The following GNG4 variants were observed in gnomAD, a reference collection of about 807,000 sequenced individuals.
The protein encoded by GNG4 is G protein subunit gamma 4.
In GNG4, 4 loss-of-function variants were observed where a neutral mutation model predicts 5.8. That is an observed-to-expected ratio of 0.69 (90% confidence interval 0.34 to 1.57). GNG4 has a LOEUF of 1.57. Ranked by LOEUF, GNG4 falls within the 40% of genes most tolerant of loss-of-function variation. The pLI, the probability that GNG4 is intolerant of heterozygous loss-of-function variation, is 0.06. For synonymous variants in GNG4, 29 were observed against 32.9 expected, an observed-to-expected ratio of 0.88 and a Z score of 0.41; for missense variants, 96 against 95.1, an observed-to-expected ratio of 1.01 and a Z score of -0.04.
intron 2 of GNG4, among the ~76,000 whole-genome samples, chr1:235,593,098 A>C (rs935550514): frequency 2.6e-5 from 4 of 152,054 alleles, no homozygotes; most frequent in Admixed American, 1.3e-4. Flanking sequence ...ACAGGTGCGT[A>C]CCACTATGCC....
chr1:235,549,668 T>C lies in GNG4; in HGVS notation c.*2441A>G, dbSNP rs1015748780. The C allele has an allele frequency of 2.6e-5, 4 of 152,206 alleles. No homozygotes were observed. The highest frequency in any genetic ancestry group is 5.9e-5 in the Non-Finnish European group (4 of 68,046). 9.4% of individuals were successfully genotyped at this position (152,206 alleles called of 1,614,324 possible). ...AGCATCTTAACAACACTGGTATTAT[T>C]AGTGAGCTGATAATGAAACTAAGAA... On this transcript the variant is annotated 3_prime_UTR_variant, in exon 4 of 4. Coordinates refer to ENST00000391854, the MANE Select transcript of GNG4 (RefSeq NM_001098722.2).
At chr1:235,581,303 G>A (rs1687628906) in intron 3 of GNG4, among the ~76,000 whole-genome samples, 1 of 152,066 alleles carries the variant, frequency 6.6e-6, no homozygotes, top group African/African-American at 2.4e-5. Flanking sequence ...GCCGAGGCAG[G>A]CGGATCACGA....
chr1:235,593,932 C>A (rs1395791345), intron 2 of GNG4, among the ~76,000 whole-genome samples: 1 of 152,228 alleles, frequency 6.6e-6, no homozygotes, highest in Non-Finnish European at 1.5e-5. Context: ...GGGACCCAAG[C>A]AGATTACCCC....
In GNG4 at chr1:235,550,096, G is replaced by A. The variant is rs1236630090; in HGVS notation, c.*2013C>T. 2.0e-5 allele frequency: 3 copies of A among 152,188 alleles called. No individual in the cohort carries two copies. The allele number at this position is 152,188 out of a possible 1,614,324, so 9.4% of individuals were successfully genotyped here. On this transcript the variant is annotated 3_prime_UTR_variant, in exon 4 of 4. Coordinates refer to ENST00000391854, the MANE Select transcript of GNG4 (RefSeq NM_001098722.2). The stretch of plus-strand genomic sequence containing the variant: ...AGAACAAACTTACACAAAGAGCTCT[G>A]CTCCCACTGTGTATTCTCCTCTTTC...
intron 2 of GNG4, among the ~76,000 whole-genome samples, chr1:235,586,054 A>C (rs1322291780): frequency 6.6e-6 from 1 of 152,234 alleles, no homozygotes; most frequent in Non-Finnish European, 1.5e-5. Flanking sequence ...TCTCTGGCCC[A>C]GAAAGGCATA....
chr1:235,629,360 A>G (rs1688888393), intron 1 of GNG4, among the ~76,000 whole-genome samples: 1 of 152,042 alleles, frequency 6.6e-6, no homozygotes, highest in African/African-American at 2.4e-5. Context: ...AGAAGCAAAA[A>G]AATTGGTCCC....
In GNG4 at chr1:235,634,809, G is replaced by T. The variant is rs189688012; in HGVS notation, c.-123+14853C>A. Among the ~76,000 whole-genome samples the T allele has an allele frequency of 3.6e-4, 55 of 152,170 alleles. 1 individual carries two copies. Among genetic ancestry groups the T allele is most frequent in the Admixed American group, 3.3e-3 (51 of 15,280 alleles). ...AAATACAAAATTAGCCAGGCGTGGT[G>T]GTGCATGCCTCCTACTCGGGAGGCT... is the stretch of plus-strand genomic sequence containing the variant. On this transcript the variant is annotated intron_variant, in intron 1 of 3. Transcript: ENST00000391854.
intron 3 of GNG4, among the ~76,000 whole-genome samples, chr1:235,575,860 T>C (rs1438539161): frequency 6.6e-6 from 1 of 152,154 alleles, no homozygotes; most frequent in Non-Finnish European, 1.5e-5. Flanking sequence ...CCTGAGAGCC[T>C]GTGTCCTGAC....
chr1:235,616,871 A>T (rs6429200), intron 1 of GNG4, among the ~76,000 whole-genome samples: 88,285 of 150,120 alleles, frequency 0.59, 28,562 homozygotes, highest in African/African-American at 0.84. Context: ...CCCCAGTAGC[A>T]GGGATTACAG....
chr1:235,633,357 C>T (rs1026387219), intron 1 of GNG4, among the ~76,000 whole-genome samples: 1 of 152,200 alleles, frequency 6.6e-6, no homozygotes, highest in African/African-American at 2.4e-5. Context: ...TCTGTGCCAG[C>T]ACCCCTTCAC....
chr1:235,628,416 C>CGGG lies in GNG4; in HGVS notation c.-123+21243_-123+21245dup, dbSNP rs369455729. The stretch of plus-strand genomic sequence containing the variant: ...GGGGCCACAAAGCCTTGTTAGGAGA[C>CGGG]GGGGGGGGGTTACAAGACCCTAGAA... On this transcript the variant is annotated intron_variant, in intron 1 of 3. Transcript: ENST00000391854. 3.3e-3 allele frequency among the ~76,000 whole-genome samples: 453 copies of CGGG among 136,700 alleles called. 2 individuals carry two copies. Among genetic ancestry groups the CGGG allele is most frequent in the African/African-American group, 0.011 (409 of 35,916 alleles). The allele number at this position is 136,700 out of a possible 152,430, so 89.7% of individuals were successfully genotyped here. A position where few individuals can be genotyped will look rare whatever the true frequency, so the allele number is the denominator to read the frequency against.
chr1:235,580,673 G>A (rs530585032), intron 3 of GNG4, among the ~76,000 whole-genome samples: 3 of 149,592 alleles, frequency 2.0e-5, no homozygotes, highest in African/African-American at 2.5e-5. Flanking sequence ...CCTCTGGCAG[G>A]CCCCCTGAGG....
intron 2 of GNG4, among the ~76,000 whole-genome samples, chr1:235,585,510 C>A (rs1687739082): frequency 6.6e-6 from 1 of 152,190 alleles, no homozygotes; most frequent in Non-Finnish European, 1.5e-5. Context: ...TTCTTTCTTA[C>A]ACAAAAAGAT....
At chr1:235,583,594 A>C in intron 3 of GNG4, 146 bp downstream of exon 3, 1 of 583,320 alleles carries the variant, frequency 1.7e-6, no homozygotes, top group East Asian at 2.8e-5. Context: ...TGAAGCAAAC[A>C]CTCATTTGTA....
intron 2 of GNG4, among the ~76,000 whole-genome samples, chr1:235,585,398 C>T (rs937460119): frequency 1.8e-4 from 27 of 152,246 alleles, no homozygotes; most frequent in African/African-American, 4.8e-4. Flanking sequence ...TGCCGCCATG[C>T]CTGGCTAATT....
In GNG4 at chr1:235,593,490, G is replaced by A. The variant is rs1017609207; in HGVS notation, c.-11+1910C>T. ...TATCTGTAGGCAGAATACTACAGCCGGCCTTCCGGACAATGCCCAAAAGAC... is the reference window on the plus strand; with the variant it reads ...TATCTGTAGGCAGAATACTACAGCCAGCCTTCCGGACAATGCCCAAAAGAC... On this transcript the variant is annotated intron_variant, in intron 2 of 3. Transcript: ENST00000391854. Among the ~76,000 whole-genome samples, 8 of 152,304 alleles carry A rather than the reference G, an allele frequency of 5.3e-5. No homozygotes were observed. In the South Asian group the frequency reaches 6.2e-4, roughly 12 times the overall value.
intron 3 of GNG4, among the ~76,000 whole-genome samples, chr1:235,562,045 A>G (rs1370070115): frequency 1.3e-5 from 2 of 152,212 alleles, no homozygotes; most frequent in Non-Finnish European, 2.9e-5. Flanking sequence ...TTGTTCTTAC[A>G]GTATTTGTTG....
chr1:235,611,067 G>A (rs1166126776), intron 1 of GNG4, among the ~76,000 whole-genome samples: 2 of 152,110 alleles, frequency 1.3e-5, no homozygotes, highest in African/African-American at 2.4e-5. Context: ...CAGCCTGGGC[G>A]GCAGAGCGAG....
chr1:235,631,935 A>C (rs990821455), intron 1 of GNG4, among the ~76,000 whole-genome samples: 6 of 152,158 alleles, frequency 3.9e-5, no homozygotes, highest in Admixed American at 6.5e-5. Flanking sequence ...GATAGCAAGA[A>C]TACTTCCTTC....
Sources: gnomAD v4.1 joint callset for allele counts (sites outside exome capture counted in the v4.1 genomes callset) on GRCh38, gnomAD v4.1.1 for gene constraint, MANE v1.5 for transcripts, NCBI Gene and HGNC (gene_info 2026-07-23, HGNC 2026-07-21) for gene names.